FAM193A: variants seen among roughly 807,000 people sequenced by gnomAD.
FAM193A encodes the protein protein FAM193A.
Under a neutral mutation model 126.5 loss-of-function variants are expected in FAM193A, and 22 were observed. The observed-to-expected ratio is 0.17, with a 90% CI of 0.12 to 0.25. The LOEUF (loss-of-function observed/expected upper bound fraction) is 0.25. FAM193A is among the 10% of genes least tolerant of loss of function. The pLI is 1.00. For synonymous variants in FAM193A, 761 were observed against 646.8 expected (o/e 1.18, Z -2.68); for missense variants, 1,675 against 1,672.8 (o/e 1.00, Z -0.02).
chr4:2,597,098 C>T (rs1740906476), intron 2 of FAM193A, among the ~76,000 whole-genome samples: 1 of 152,118 alleles, frequency 6.6e-6, no homozygotes, highest in African/African-American at 2.4e-5. Context: ...GTGTGGGTTT[C>T]CATCTTTACT....
intron 7 of FAM193A, among the ~76,000 whole-genome samples, chr4:2,653,744 GAGA>G (rs1349386562): frequency 1.3e-5 from 2 of 152,136 alleles, no homozygotes; most frequent in Non-Finnish European, 2.9e-5. Flanking sequence ...GCCCAGCCAG[GAGA>G]TGCATTTTTA....
chr4:2,693,240 G>A (rs1343961610), intron 15 of FAM193A, among the ~76,000 whole-genome samples: 7 of 151,802 alleles, frequency 4.6e-5, no homozygotes, highest in African/African-American at 1.5e-4. Flanking sequence ...GGCTGGTCTC[G>A]ATCTCCTGAC....
chr4:2,549,685 C>T (rs190695346), intron 1 of FAM193A, among the ~76,000 whole-genome samples: 82 of 151,840 alleles, frequency 5.4e-4, no homozygotes, highest in Non-Finnish European at 1.0e-3. Context: ...CGTGAGCCAC[C>T]GCGCCCGGCC....
At chr4:2,598,436 G>C (rs1030727779) in intron 2 of FAM193A, among the ~76,000 whole-genome samples, 3 of 152,122 alleles carry the variant, frequency 2.0e-5, no homozygotes, top group Admixed American at 2.0e-4. Flanking sequence ...TTCTTCTGTG[G>C]ACATCCTTTT....
chr4:2,679,375 C>CTTTTT (rs796366785), intron 13 of FAM193A, among the ~76,000 whole-genome samples: 145 of 87,860 alleles, frequency 1.7e-3, no homozygotes, highest in East Asian at 2.3e-3. Context: ...AGTTTTCTTT[C>CTTTTT]TTTTTTTTTT....
chr4:2,631,436 C>T (rs963991204), intron 5 of FAM193A, among the ~76,000 whole-genome samples: 8 of 152,102 alleles, frequency 5.3e-5, no homozygotes, highest in African/African-American at 1.7e-4. Context: ...GCCCAGGGAA[C>T]GAGGCATGGG....
At chr4:2,659,725 G>C in intron 9 of FAM193A, 55 bp downstream of exon 9, 1 of 1,609,348 alleles carries the variant, frequency 6.2e-7, no homozygotes, top group Non-Finnish European at 8.5e-7. Context: ...TCACTGGGCT[G>C]AGTGGAGGCC....
chr4:2,543,412 G>A (rs1482419702), intron 1 of FAM193A, among the ~76,000 whole-genome samples: 1 of 151,872 alleles, frequency 6.6e-6, no homozygotes, highest in Admixed American at 6.6e-5. Flanking sequence ...TAATGATAGG[G>A]CACCACAGGC....
chr4:2,631,630 T>C (rs1743598249), intron 5 of FAM193A, among the ~76,000 whole-genome samples: 1 of 152,272 alleles, frequency 6.6e-6, no homozygotes, highest in Non-Finnish European at 1.5e-5. Context: ...CATTCATTCA[T>C]GCAGGCATGC....
chr4:2,668,682 A>G (rs1355275433), intron 12 of FAM193A, among the ~76,000 whole-genome samples: 1 of 152,174 alleles, frequency 6.6e-6, no homozygotes, highest in East Asian at 1.9e-4. Context: ...AATATGTTTT[A>G]ATTACTGCTT....
chr4:2,642,609 A>G (rs939915784), intron 6 of FAM193A, among the ~76,000 whole-genome samples: 3 of 150,996 alleles, frequency 2.0e-5, no homozygotes, highest in Admixed American at 1.3e-4. Context: ...AGGGGCTCTG[A>G]AAACAAGATT....
At chr4:2,628,195 A>G (rs189711656) in intron 4 of FAM193A, among the ~76,000 whole-genome samples, 2 of 152,246 alleles carry the variant, frequency 1.3e-5, no homozygotes, top group East Asian at 3.9e-4. Flanking sequence ...GGAGTTTTAT[A>G]AACTGATGTT....
At chr4:2,584,865 C>T (rs1740146670) in intron 1 of FAM193A, among the ~76,000 whole-genome samples, 1 of 151,868 alleles carries the variant, frequency 6.6e-6, no homozygotes, top group Non-Finnish European at 1.5e-5. Context: ...ACGGAGGTTG[C>T]AGTGAGCCGA....
At chr4:2,537,249 C>A in intron 1 of FAM193A, 79 bp downstream of exon 1, 1 of 165,378 alleles carries the variant, frequency 6.0e-6, no homozygotes, top group Non-Finnish European at 1.3e-5. Context: ...CTCGGCCTCC[C>A]GCTGTCGGCC....
At chr4:2,699,237 C>T (rs1401059405) in intron 18 of FAM193A, among the ~76,000 whole-genome samples, 4 of 152,086 alleles carry the variant, frequency 2.6e-5, no homozygotes, top group South Asian at 2.1e-4. Context: ...AGAGTTCTGG[C>T]GGCACGTGTA....
At chr4:2,716,793 C>T (rs1719583429) in intron 20 of FAM193A, among the ~76,000 whole-genome samples, 1 of 152,106 alleles carries the variant, frequency 6.6e-6, no homozygotes, top group Non-Finnish European at 1.5e-5. Flanking sequence ...TCTCCTGCCT[C>T]AGCCTCCAGA....
At chr4:2,619,504 A>T in intron 2 of FAM193A, among the ~76,000 whole-genome samples, 1 of 151,760 alleles carries the variant, frequency 6.6e-6, no homozygotes, top group East Asian at 1.9e-4. Flanking sequence ...TAAAAATACT[A>T]ATTTTTGTAT....
At chr4:2,696,721 C>T in intron 18 of FAM193A, 128 bp downstream of exon 18, 1 of 659,874 alleles carries the variant, frequency 1.5e-6, no homozygotes, top group South Asian at 2.0e-5. Context: ...CACTTGCCCA[C>T]AACTTTGTTC....
intron 20 of FAM193A, among the ~76,000 whole-genome samples, chr4:2,719,158 A>G (rs755528327): frequency 7.2e-5 from 11 of 152,200 alleles, no homozygotes; most frequent in Non-Finnish European, 1.5e-5. Context: ...TCACAGGTTT[A>G]TCTCACTCAT....
Sources: gnomAD v4.1 joint callset for allele counts (sites outside exome capture counted in the v4.1 genomes callset) on GRCh38, gnomAD v4.1.1 for gene constraint, MANE v1.5 for transcripts, NCBI Gene and HGNC (gene_info 2026-07-23, HGNC 2026-07-21) for gene names.